HS2ST1: variants seen among roughly 807,000 people sequenced by gnomAD.
HS2ST1 encodes the protein 2-O-sulfotransferase.
HS2ST1 carries 18 observed loss-of-function variants against 42.9 expected under a neutral mutation model. That is an observed-to-expected ratio of 0.42 (90% CI 0.29 to 0.62). The LOEUF is 0.62. Ranked by LOEUF, HS2ST1 falls within the 20% of genes least tolerant of loss-of-function variation. The pLI is 0.21. For synonymous variants in HS2ST1, 146 were observed against 152.9 expected (o/e 0.95, Z 0.33); for missense variants, 334 against 433.8 (o/e 0.77, Z 2.04).
chr1:86,935,490 G>T, intron 1 of HS2ST1, among the ~76,000 whole-genome samples: 1 of 133,462 alleles, frequency 7.5e-6, no homozygotes, highest in Non-Finnish European at 1.6e-5. Context: ...TGAGATAGAG[G>T]CTTGCTCTGT....
Position 86,940,711 on chromosome 1 carries a change from C to T in HS2ST1, c.124+25551C>T, listed in dbSNP as rs566015293. Reference sequence around the variant, plus strand: ...ATGACTATTGAAAACACACTGGCGACTGGGCACAGTGGCTTACACCTGTAA... The same window carrying T: ...ATGACTATTGAAAACACACTGGCGATTGGGCACAGTGGCTTACACCTGTAA... On this transcript the variant is annotated intron_variant, in intron 1 of 6. Coordinates refer to ENST00000370550, the MANE Select transcript of HS2ST1 (RefSeq NM_012262.4). Among the ~76,000 whole-genome samples the T allele has an allele frequency of 5.2e-4, 79 of 152,308 alleles. 2 individuals are homozygous for T. The South Asian group carries it at 0.015, about 29-fold the overall frequency.
At position 86,914,913 on chromosome 1, in the gene HS2ST1, C is replaced by G; in HGVS notation, c.-124C>G. ...GAGAAGGGGGGTCGCTGCGGTGGTT[C>G]TCTCGCTGTCGCTCTCTCTTTGCCT... On this transcript the variant is annotated 5_prime_UTR_variant, in exon 1 of 7. Coordinates refer to ENST00000370550, the MANE Select transcript of HS2ST1 (RefSeq NM_012262.4). The G allele has an allele frequency of 8.1e-7, 1 of 1,229,782 alleles. No homozygotes were observed. The highest frequency in any genetic ancestry group is 1.1e-6 in the Non-Finnish European group (1 of 871,318). The allele number at this position is 1,229,782 out of a possible 1,614,324, so 76.2% of individuals were successfully genotyped here.
chr1:87,001,915 G>A (rs528039964), intron 1 of HS2ST1, among the ~76,000 whole-genome samples: 20 of 148,140 alleles, frequency 1.4e-4, no homozygotes, highest in African/African-American at 4.8e-4. Context: ...CATGCCAGGA[G>A]TATTTTTTTT....
At chr1:86,975,660 A>T (rs939923303) in intron 1 of HS2ST1, among the ~76,000 whole-genome samples, 2 of 152,146 alleles carry the variant, frequency 1.3e-5, no homozygotes, top group Non-Finnish European at 2.9e-5. Flanking sequence ...TTCAATTTAA[A>T]TCTGAGGTAA....
At chr1:87,090,921 C>T (rs554277015) in intron 3 of HS2ST1, among the ~76,000 whole-genome samples, 6 of 152,090 alleles carry the variant, frequency 3.9e-5, no homozygotes, top group African/African-American at 1.4e-4. Flanking sequence ...TTGCATGGTA[C>T]CTTCCTCATT....
At chr1:87,015,119 G>A (rs1263836465) in intron 1 of HS2ST1, among the ~76,000 whole-genome samples, 1 of 152,080 alleles carries the variant, frequency 6.6e-6, no homozygotes, top group East Asian at 1.9e-4. Context: ...CGTGATCTCA[G>A]CTCACTGCAA....
intron 2 of HS2ST1, among the ~76,000 whole-genome samples, chr1:87,083,615 T>C (rs192025261): frequency 1.3e-5 from 2 of 152,328 alleles, no homozygotes; most frequent in Admixed American, 1.3e-4. Flanking sequence ...ATTTAGAAAT[T>C]TTAAATATTT....
intron 5 of HS2ST1, among the ~76,000 whole-genome samples, chr1:87,102,387 T>C (rs1000838940): frequency 1.3e-5 from 2 of 152,144 alleles, no homozygotes; most frequent in African/African-American, 4.8e-5. Context: ...AGATCTCTAA[T>C]GAACTAACTG....
intron 1 of HS2ST1, among the ~76,000 whole-genome samples, chr1:87,013,926 T>C (rs766135913): frequency 6.6e-6 from 1 of 151,964 alleles, no homozygotes; most frequent in Non-Finnish European, 1.5e-5. Flanking sequence ...ATAGTAAGAG[T>C]CACCTTTATT....
chr1:86,944,035 A>AG (rs2102178600), intron 1 of HS2ST1, among the ~76,000 whole-genome samples: 1 of 152,070 alleles, frequency 6.6e-6, no homozygotes, highest in East Asian at 1.9e-4. Context: ...AAAAAAAAAA[A>AG]ATTCTTTTAG....
intron 1 of HS2ST1, among the ~76,000 whole-genome samples, chr1:86,956,733 T>C (rs1318401983): frequency 1.3e-5 from 2 of 152,188 alleles, no homozygotes; most frequent in Non-Finnish European, 1.5e-5. Flanking sequence ...AAGAATACTT[T>C]TCACCAGAAA....
At chr1:86,929,726 A>G (rs1660502955) in intron 1 of HS2ST1, among the ~76,000 whole-genome samples, 2 of 151,854 alleles carry the variant, frequency 1.3e-5, no homozygotes, top group Non-Finnish European at 1.5e-5. Flanking sequence ...GAAAGAAGAA[A>G]GAACCTAAGC....
At position 87,108,133 on chromosome 1, in the gene HS2ST1, T is replaced by G. The variant is rs1570552515; in HGVS notation, c.*3437T>G. The G allele has an allele frequency of 6.6e-6, 1 of 152,110 alleles. No homozygotes were observed. The highest frequency in any genetic ancestry group is 2.4e-5 in the African/African-American group (1 of 41,448). The allele number at this position is 152,110 out of a possible 1,614,324, so 9.4% of individuals were successfully genotyped here. On this transcript the variant is annotated 3_prime_UTR_variant, in exon 7 of 7. Coordinates refer to ENST00000370550, the MANE Select transcript of HS2ST1 (RefSeq NM_012262.4). ...TTGCAGATGACTTGCTTACTGTATT[T>G]GCATTGTTAGAAAACAGTTTGTAGA... is the stretch of plus-strand genomic sequence containing the variant.
intron 1 of HS2ST1, among the ~76,000 whole-genome samples, chr1:87,032,727 C>CATTGTTCT (rs1650270372): frequency 6.6e-6 from 1 of 152,054 alleles, no homozygotes; most frequent in Non-Finnish European, 1.5e-5. Context: ...AGTAAAAATG[C>CATTGTTCT]ATTGTTCTTT....
At chr1:87,066,432 A>T (rs1651251508) in intron 1 of HS2ST1, among the ~76,000 whole-genome samples, 1 of 152,154 alleles carries the variant, frequency 6.6e-6, no homozygotes, top group Non-Finnish European at 1.5e-5. Context: ...TGAACCTGAG[A>T]TAGCTTGCAT....
intron 1 of HS2ST1, among the ~76,000 whole-genome samples, chr1:86,980,721 T>C (rs1648552986): frequency 6.6e-6 from 1 of 152,214 alleles, no homozygotes; most frequent in Non-Finnish European, 1.5e-5. Flanking sequence ...TGAATGTTAA[T>C]TTTAGCTCTA....
chr1:87,024,547 A>T (rs1014405802), intron 1 of HS2ST1, among the ~76,000 whole-genome samples: 4 of 151,830 alleles, frequency 2.6e-5, no homozygotes, highest in African/African-American at 9.7e-5. Context: ...CAGGCAGATT[A>T]GGTTTGAGTG....
chr1:87,103,728 GCTCA>G, intron 6 of HS2ST1, 139 bp downstream of exon 6: 6 of 666,188 alleles, frequency 9.0e-6, no homozygotes, highest in Non-Finnish European at 1.5e-5. Flanking sequence ...GTCGGTTTCT[GCTCA>G]CTATTTTCAA....
chr1:86,935,662 C>T (rs947489864), intron 1 of HS2ST1, among the ~76,000 whole-genome samples: 2 of 151,658 alleles, frequency 1.3e-5, no homozygotes, highest in African/African-American at 4.8e-5. Flanking sequence ...TGGGGTTTTG[C>T]CGTGTTGACC....
Sources: gnomAD v4.1 joint callset for allele counts (sites outside exome capture counted in the v4.1 genomes callset) on GRCh38, gnomAD v4.1.1 for gene constraint, MANE v1.5 for transcripts, NCBI Gene and HGNC (gene_info 2026-07-23, HGNC 2026-07-21) for gene names.